The following PTPRD variants were observed in gnomAD, a reference collection of about 807,000 sequenced individuals.
PTPRD encodes protein tyrosine phosphatase receptor type D.
In PTPRD, 34 loss-of-function variants were observed where a neutral mutation model predicts 214.5. That is an observed-to-expected ratio of 0.16 (90% confidence interval 0.12 to 0.21). The LOEUF (loss-of-function observed/expected upper bound fraction) is 0.21. Ranked by LOEUF, PTPRD falls within the 10% of genes least tolerant of loss-of-function variation. The pLI, the probability that PTPRD is intolerant of heterozygous loss-of-function variation, is 1.00. For synonymous variants in PTPRD, 1,128 were observed against 845.7 expected (o/e 1.33, Z -5.79); for missense variants, 2,545 against 2,398.7 (o/e 1.06, Z -1.27).
intron 9 of PTPRD, among the ~76,000 whole-genome samples, chr9:9,344,182 A>G (rs924671125): frequency 6.6e-6 from 1 of 152,174 alleles, no homozygotes; most frequent in East Asian, 1.9e-4. Flanking sequence ...TTGCAGGGCC[A>G]TGGATGAAGC....
At chr9:10,214,556 C>T (rs1307761383) in intron 3 of PTPRD, among the ~76,000 whole-genome samples, 1 of 151,542 alleles carries the variant, frequency 6.6e-6, no homozygotes, top group South Asian at 2.1e-4. Flanking sequence ...GAATACACAC[C>T]CGAGCTATTG....
chr9:10,429,258 A>G (rs1049533004), intron 2 of PTPRD, among the ~76,000 whole-genome samples: 3 of 151,936 alleles, frequency 2.0e-5, no homozygotes, highest in Non-Finnish European at 4.4e-5. Flanking sequence ...TACAGCCACT[A>G]TGGAAAAAAA....
intron 8 of PTPRD, among the ~76,000 whole-genome samples, chr9:9,446,777 C>G (rs961316436): frequency 1.3e-5 from 2 of 152,014 alleles, no homozygotes; most frequent in African/African-American, 4.8e-5. Flanking sequence ...TGACAAGGGT[C>G]TAGTATCCCA....
intron 12 of PTPRD, among the ~76,000 whole-genome samples, chr9:8,710,631 A>G (rs916270244): frequency 7.2e-5 from 11 of 152,174 alleles, no homozygotes; most frequent in African/African-American, 2.7e-4. Flanking sequence ...ATAAATAAAT[A>G]AAAATAACAA....
At chr9:8,730,806 G>C (rs1320916781) in intron 12 of PTPRD, among the ~76,000 whole-genome samples, 1 of 152,094 alleles carries the variant, frequency 6.6e-6, no homozygotes, top group Admixed American at 6.5e-5. Context: ...CCACAAAACT[G>C]GTTGGCCAGC....
chr9:10,077,594 A>G (rs1334371281), intron 3 of PTPRD, among the ~76,000 whole-genome samples: 1 of 152,162 alleles, frequency 6.6e-6, no homozygotes, highest in Non-Finnish European at 1.5e-5. Flanking sequence ...TTTGCTATCC[A>G]GGTAATAAGC....
At chr9:9,534,572 A>C (rs912459180) in intron 8 of PTPRD, among the ~76,000 whole-genome samples, 2 of 152,074 alleles carry the variant, frequency 1.3e-5, no homozygotes, top group African/African-American at 4.8e-5. Flanking sequence ...CTCCATTTTA[A>C]CTTCAGGTTC....
At chr9:9,932,697 C>T (rs1379916270) in intron 5 of PTPRD, among the ~76,000 whole-genome samples, 1 of 106,572 alleles carries the variant, frequency 9.4e-6, no homozygotes, top group African/African-American at 4.0e-5. Flanking sequence ...GCAAGGCAGG[C>T]CAACGTTCAG....
At chr9:8,924,227 G>A (rs1030875281) in intron 11 of PTPRD, among the ~76,000 whole-genome samples, 23 of 96,096 alleles carry the variant, frequency 2.4e-4, no homozygotes, top group Non-Finnish European at 4.9e-4. Context: ...CATTGGCAAA[G>A]TATCAACCCA....
At chr9:8,916,395 A>T (rs918506529) in intron 11 of PTPRD, among the ~76,000 whole-genome samples, 1 of 152,206 alleles carries the variant, frequency 6.6e-6, no homozygotes, top group African/African-American at 2.4e-5. Context: ...GTCAGAAAGT[A>T]GTGGATACAC....
chr9:10,307,590 G>A (rs972630339), intron 3 of PTPRD, among the ~76,000 whole-genome samples: 10 of 152,090 alleles, frequency 6.6e-5, no homozygotes, highest in East Asian at 1.9e-4. Flanking sequence ...TGCATCATAT[G>A]GTAGTTCTAT....
At chr9:8,493,482 C>T (rs1444348174) in intron 26 of PTPRD, among the ~76,000 whole-genome samples, 2 of 152,210 alleles carry the variant, frequency 1.3e-5, no homozygotes, top group African/African-American at 4.8e-5. Flanking sequence ...ACAGATGGGG[C>T]TGATGCCAGC....
intron 2 of PTPRD, among the ~76,000 whole-genome samples, chr9:10,497,345 G>T (rs1555483): frequency 6.6e-6 from 1 of 151,566 alleles, no homozygotes; most frequent in Non-Finnish European, 1.5e-5. Context: ...CTTTTATCAC[G>T]TGACATATAC....
At chr9:9,167,991 T>C (rs2099907537) in intron 10 of PTPRD, among the ~76,000 whole-genome samples, 1 of 152,172 alleles carries the variant, frequency 6.6e-6, no homozygotes, top group African/African-American at 2.4e-5. Flanking sequence ...AGTAGATTTT[T>C]ATCTTAAAAT....
intron 8 of PTPRD, among the ~76,000 whole-genome samples, chr9:9,519,488 T>C (rs529315801): frequency 6.6e-6 from 1 of 151,830 alleles, no homozygotes; most frequent in African/African-American, 2.4e-5. Flanking sequence ...CATATATAAT[T>C]GATACCAGGA....
intron 5 of PTPRD, among the ~76,000 whole-genome samples, chr9:9,772,432 G>A (rs1299112704): frequency 2.0e-5 from 3 of 152,060 alleles, no homozygotes; most frequent in Non-Finnish European, 2.9e-5. Flanking sequence ...ACAAATATGC[G>A]ACGGGTAAAT....
intron 9 of PTPRD, among the ~76,000 whole-genome samples, chr9:9,296,149 T>C (rs562233401): frequency 4.6e-5 from 7 of 151,818 alleles, no homozygotes; most frequent in African/African-American, 1.7e-4. Context: ...ACAGAATAAA[T>C]TCTATGATTA....
chr9:10,461,767 C>T (rs113187461), intron 2 of PTPRD, among the ~76,000 whole-genome samples: 1 of 151,924 alleles, frequency 6.6e-6, no homozygotes, highest in East Asian at 1.9e-4. Flanking sequence ...GGATTACAGG[C>T]GTGAGCCTCC....
chr9:9,760,120 A>G (rs2098638972), intron 6 of PTPRD, among the ~76,000 whole-genome samples: 1 of 152,092 alleles, frequency 6.6e-6, no homozygotes, highest in Admixed American at 6.6e-5. Context: ...TACAAAGTGG[A>G]TATCGCTACC....
Sources: gnomAD v4.1 joint callset for allele counts (sites outside exome capture counted in the v4.1 genomes callset) on GRCh38, gnomAD v4.1.1 for gene constraint, MANE v1.5 for transcripts, NCBI Gene and HGNC (gene_info 2026-07-23, HGNC 2026-07-21) for gene names.